The following CEP128 variants were observed in gnomAD, a reference collection of about 807,000 sequenced individuals.
The protein encoded by CEP128 is centrosomal protein 128kDa.
Under a neutral mutation model 156.7 loss-of-function variants are expected in CEP128, and 132 were observed. The ratio of observed to expected loss-of-function variants is 0.84; its 90% CI spans 0.73 to 0.97. The LOEUF (loss-of-function observed/expected upper bound fraction) is 0.97. Ranked by LOEUF, CEP128 falls within the 50% of genes least tolerant of loss-of-function variation. CEP128 has a pLI of 0.00. For missense variants in CEP128, 1,252 were observed against 1,281.9 expected (o/e 0.98, Z 0.36); for synonymous variants, 469 against 448.9 (o/e 1.04, Z -0.57).
chr14:80,903,720 T>G (rs1418383472), intron 6 of CEP128, among the ~76,000 whole-genome samples: 1 of 151,272 alleles, frequency 6.6e-6, no homozygotes, highest in Non-Finnish European at 1.5e-5. Context: ...AGACATACAA[T>G]GGTCAATAGG....
chr14:80,840,105 T>C (rs1886278605), intron 10 of CEP128, among the ~76,000 whole-genome samples: 1 of 152,164 alleles, frequency 6.6e-6, no homozygotes, highest in East Asian at 1.9e-4. Context: ...AGGGCAAATT[T>C]TCACTTCATC....
At chr14:80,910,842 T>C (rs1402628063) in intron 4 of CEP128, among the ~76,000 whole-genome samples, 1 of 152,124 alleles carries the variant, frequency 6.6e-6, no homozygotes, top group African/African-American at 2.4e-5. Flanking sequence ...ATGCATATAA[T>C]TGTAAGTTAA....
At chr14:80,772,108 G>A (rs1900541525) in intron 16 of CEP128, among the ~76,000 whole-genome samples, 1 of 152,146 alleles carries the variant, frequency 6.6e-6, no homozygotes. Flanking sequence ...TAGAAGAGGG[G>A]CAGCTGCCCA....
intron 19 of CEP128, among the ~76,000 whole-genome samples, chr14:80,728,695 G>T (rs1898112696): frequency 2.0e-5 from 3 of 152,014 alleles, no homozygotes; most frequent in Non-Finnish European, 4.4e-5. Flanking sequence ...ACGTATTTCA[G>T]CCAAAACTTT....
intron 19 of CEP128, among the ~76,000 whole-genome samples, chr14:80,676,815 TGTG>T (rs1211015489): frequency 3.3e-5 from 5 of 152,196 alleles, no homozygotes; most frequent in Non-Finnish European, 7.4e-5. Context: ...AATTAATTAA[TGTG>T]GTAAATAACA....
upstream of CEP128, among the ~76,000 whole-genome samples, chr14:80,944,641 T>C (rs1438704968): frequency 4.0e-5 from 6 of 151,556 alleles, no homozygotes; most frequent in Non-Finnish European, 1.5e-5. Context: ...GCTAACATGG[T>C]GAAACTCCGT....
chr14:80,746,950 T>C (rs952936144), intron 18 of CEP128, among the ~76,000 whole-genome samples: 9 of 152,196 alleles, frequency 5.9e-5, no homozygotes, highest in Non-Finnish European at 8.8e-5. Context: ...CCAACGAAGA[T>C]ATATAAATAG....
chr14:80,583,465 G>A (rs1443541348), intron 19 of CEP128, among the ~76,000 whole-genome samples: 1 of 152,122 alleles, frequency 6.6e-6, no homozygotes, highest in East Asian at 1.9e-4. Flanking sequence ...GCCCAGGCTA[G>A]CAAGTCAGAG....
chr14:80,857,372 T>C (rs1566674378), intron 9 of CEP128, among the ~76,000 whole-genome samples: 1 of 152,022 alleles, frequency 6.6e-6, no homozygotes, highest in Non-Finnish European at 1.5e-5. Context: ...TATAGTATGA[T>C]AATTTACCTC....
chr14:80,778,316 T>A (rs1233031013), intron 15 of CEP128, among the ~76,000 whole-genome samples: 1 of 152,112 alleles, frequency 6.6e-6, no homozygotes, highest in Non-Finnish European at 1.5e-5. Context: ...GATGCAACAA[T>A]CTATTTGACA....
chr14:80,548,065 G>T (rs1163682157), intron 21 of CEP128, among the ~76,000 whole-genome samples: 7 of 152,094 alleles, frequency 4.6e-5, no homozygotes, highest in Non-Finnish European at 7.4e-5. Context: ...CTCCCAAAGT[G>T]CTGGGATTAC....
intron 18 of CEP128, among the ~76,000 whole-genome samples, chr14:80,745,296 C>T (rs1899041560): frequency 1.3e-5 from 2 of 152,080 alleles, no homozygotes; most frequent in Admixed American, 6.6e-5. Context: ...TGAGGCCTCC[C>T]CAACCAAGCC....
At chr14:80,559,091 A>AT (rs923087799) in intron 21 of CEP128, among the ~76,000 whole-genome samples, 188 bp downstream of exon 21, 4 of 151,982 alleles carry the variant, frequency 2.6e-5, no homozygotes, top group Admixed American at 6.6e-5. Flanking sequence ...TTTTTATTTA[A>AT]TTTTTTTTCA....
chr14:80,761,665 G>A, intron 16 of CEP128, 52 bp from the exon 17 acceptor site: 1 of 1,297,872 alleles, frequency 7.7e-7, no homozygotes, highest in South Asian at 1.5e-5. Context: ...GTGGAGGCAA[G>A]AAAATACTTG....
intron 19 of CEP128, among the ~76,000 whole-genome samples, chr14:80,729,055 GGGGGTGTGTGTGTGTGT>G (rs1898133776): frequency 1.1e-5 from 1 of 89,930 alleles, no homozygotes; most frequent in Admixed American, 1.2e-4. Context: ...CTGGGCTGGT[GGGGGTGTGTGTGTGTGT>G]GTGTGTGTGT....
intron 8 of CEP128, among the ~76,000 whole-genome samples, chr14:80,866,949 C>G (rs1468406376): frequency 6.6e-6 from 1 of 152,198 alleles, no homozygotes; most frequent in Admixed American, 6.5e-5. Flanking sequence ...CCTATATATA[C>G]CATGAACAAT....
At chr14:80,670,947 C>T (rs1307218723) in intron 19 of CEP128, among the ~76,000 whole-genome samples, 1 of 152,094 alleles carries the variant, frequency 6.6e-6, no homozygotes, top group Non-Finnish European at 1.5e-5. Context: ...AAATTTGATT[C>T]AATAGTACTA....
At chr14:80,534,143 TTC>T (rs144638566) in intron 21 of CEP128, among the ~76,000 whole-genome samples, 13,478 of 151,358 alleles carry the variant, frequency 0.089, 852 homozygotes, top group South Asian at 0.17. Context: ...TTTCTGGCTC[TTC>T]TCTCTCTCTC....
chr14:80,733,339 C>CGTGTGTGTGTGTGTGTGTGTGTGT (rs55964142), intron 19 of CEP128, among the ~76,000 whole-genome samples: 2 of 140,134 alleles, frequency 1.4e-5, no homozygotes, highest in African/African-American at 5.4e-5. Context: ...CCACATGGGT[C>CGTGTGTGTGTGTGTGTGTGTGTGT]GTGTGTGTGT....
Sources: gnomAD v4.1 joint callset for allele counts (sites outside exome capture counted in the v4.1 genomes callset) on GRCh38, gnomAD v4.1.1 for gene constraint, MANE v1.5 for transcripts, NCBI Gene and HGNC (gene_info 2026-07-23, HGNC 2026-07-21) for gene names.